The following NFYC variants were observed in gnomAD, a reference collection of about 807,000 sequenced individuals.
The protein encoded by NFYC is nuclear transcription factor Y subunit gamma, also known as CAAT box DNA-binding protein subunit C.
NFYC carries 25 observed loss-of-function variants against 53.1 expected under a neutral mutation model. The ratio of observed to expected loss-of-function variants is 0.47; its 90% CI spans 0.34 to 0.66. NFYC has a LOEUF of 0.66. Among genes scored for constraint, NFYC ranks in the 30% least tolerant of loss-of-function variants. NFYC has a pLI of 0.01. For missense variants in NFYC, 260 were observed against 422.7 expected (o/e 0.62, Z 3.38); for synonymous variants, 145 against 152.6 (o/e 0.95, Z 0.37).
intron 1 of NFYC, among the ~76,000 whole-genome samples, chr1:40,718,851 T>C (rs1266953521): frequency 6.6e-6 from 1 of 152,080 alleles, no homozygotes; most frequent in Non-Finnish European, 1.5e-5. Flanking sequence ...AGATGAATCA[T>C]GGTGGTTTTT....
intron 6 of NFYC, among the ~76,000 whole-genome samples, chr1:40,760,707 G>A (rs1345566843): frequency 6.7e-6 from 1 of 150,172 alleles, no homozygotes; most frequent in Admixed American, 6.6e-5. Context: ...GTGACAGAGC[G>A]AGACTGTCTC....
At chr1:40,766,309 A>G (rs147782773) in intron 7 of NFYC, 52 of 326,438 alleles carry the variant, frequency 1.6e-4, no homozygotes, top group African/African-American at 1.0e-3. Context: ...CTGGCAAATA[A>G]TGAGCATGCA....
intron 4 of NFYC, among the ~76,000 whole-genome samples, chr1:40,751,365 G>A (rs1226056344): frequency 6.6e-6 from 1 of 152,136 alleles, no homozygotes; most frequent in African/African-American, 2.4e-5. Context: ...GGGAGTGTGG[G>A]GAAGGATATT....
chr1:40,694,434 C>T (rs2148395947), intron 1 of NFYC, among the ~76,000 whole-genome samples: 1 of 152,308 alleles, frequency 6.6e-6, no homozygotes, highest in Non-Finnish European at 1.5e-5. Context: ...TGAAGCCCTC[C>T]CTCATTTTTG....
At chr1:40,737,397 T>C (rs889843221) in intron 1 of NFYC, among the ~76,000 whole-genome samples, 3 of 151,156 alleles carry the variant, frequency 2.0e-5, no homozygotes, top group South Asian at 2.1e-4. Context: ...GGCGTGATCT[T>C]GGCTCACTGC....
chr1:40,720,329 C>T (rs1309517054), intron 1 of NFYC, among the ~76,000 whole-genome samples: 1 of 152,106 alleles, frequency 6.6e-6, no homozygotes, highest in Non-Finnish European at 1.5e-5. Flanking sequence ...TGTCCCACCA[C>T]CCCCCTGGTT....
At chr1:40,734,335 G>A (rs559256295) in intron 1 of NFYC, among the ~76,000 whole-genome samples, 3 of 139,362 alleles carry the variant, frequency 2.2e-5, no homozygotes, top group South Asian at 2.4e-4. Flanking sequence ...GATTAACTAC[G>A]GTTGCTTTAT....
chr1:40,739,456 T>TG (rs1201215156), intron 2 of NFYC, among the ~76,000 whole-genome samples: 1 of 152,206 alleles, frequency 6.6e-6, no homozygotes, highest in Non-Finnish European at 1.5e-5. Context: ...AATTCTTTGT[T>TG]GTGAGGGGCC....
At chr1:40,744,089 G>A (rs942859310) in intron 2 of NFYC, among the ~76,000 whole-genome samples, 2 of 152,178 alleles carry the variant, frequency 1.3e-5, no homozygotes, top group South Asian at 2.1e-4. Flanking sequence ...CACAGCAGGA[G>A]GTGAGCAGCC....
chr1:40,699,505 C>T (rs937122690), intron 1 of NFYC, among the ~76,000 whole-genome samples: 1 of 152,016 alleles, frequency 6.6e-6, no homozygotes, highest in African/African-American at 2.4e-5. Context: ...ATTACTGTAC[C>T]CTGAAAGTAA....
At chr1:40,725,210 T>C (rs1644467426) in intron 1 of NFYC, among the ~76,000 whole-genome samples, 1 of 152,258 alleles carries the variant, frequency 6.6e-6, no homozygotes, top group African/African-American at 2.4e-5. Flanking sequence ...TAGAGACTAT[T>C]GAACCTTCTC....
chr1:40,753,121 A>G (rs1419289314), intron 4 of NFYC, 30 bp from the exon 5 acceptor site: 15 of 1,549,534 alleles, frequency 9.7e-6, no homozygotes, highest in Non-Finnish European at 1.3e-5. Context: ...TCCCCAGGCT[A>G]ATTTTTCACA....
chr1:40,707,909 C>G (rs1172729813), intron 1 of NFYC, among the ~76,000 whole-genome samples: 1 of 151,626 alleles, frequency 6.6e-6, no homozygotes, highest in Non-Finnish European at 1.5e-5. Flanking sequence ...ATGTCAAACT[C>G]TGTGACTGCC....
chr1:40,748,662 G>A (rs563298426), intron 3 of NFYC, among the ~76,000 whole-genome samples: 4 of 152,272 alleles, frequency 2.6e-5, no homozygotes, highest in African/African-American at 9.6e-5. Flanking sequence ...ATTCCTAGGA[G>A]TCCATCTCCA....
chr1:40,763,376 C>G, intron 7 of NFYC: 1 of 455,178 alleles, frequency 2.2e-6, no homozygotes, highest in Non-Finnish European at 4.4e-6. Flanking sequence ...ACAGGTCTTG[C>G]TGTGTCACTC....
chr1:40,738,639 T>C (rs1414391681), intron 1 of NFYC, among the ~76,000 whole-genome samples, 197 bp from the exon 2 acceptor site: 4 of 152,222 alleles, frequency 2.6e-5, no homozygotes, highest in Admixed American at 2.6e-4. Flanking sequence ...ATAAGCTAGA[T>C]AGAAGGAAAA....
intron 6 of NFYC, among the ~76,000 whole-genome samples, chr1:40,758,821 T>C (rs1646375159): frequency 6.6e-6 from 1 of 152,216 alleles, no homozygotes; most frequent in South Asian, 2.1e-4. Flanking sequence ...GTAGCATTCA[T>C]GTTTGTTGGG....
In NFYC at chr1:40,743,078, T is replaced by C. The variant is rs1172743753; in HGVS notation, c.105+4130T>C. Among the ~76,000 whole-genome samples, 5 of 152,380 alleles carry C rather than the reference T, an allele frequency of 3.3e-5. No individual in the cohort carries two copies. The East Asian group carries it at 9.6e-4, about 29-fold the overall frequency. ...AACTTACGAGAATATTCATAAAATG[T>C]GATCTCAGACTGGGACACAATTTGT... On this transcript the variant is annotated intron_variant, in intron 2 of 9. Transcript: ENST00000447388.
chr1:40,742,975 T>G (rs1037202766), intron 2 of NFYC, among the ~76,000 whole-genome samples: 4 of 152,176 alleles, frequency 2.6e-5, no homozygotes, highest in African/African-American at 9.7e-5. Flanking sequence ...TCAGAGCCTC[T>G]TAGGTTGACA....
Sources: allele counts gnomAD v4.1 joint callset (sites outside exome capture counted in the v4.1 genomes callset), GRCh38; gene constraint gnomAD v4.1.1; transcripts MANE v1.5; gene names NCBI Gene and HGNC (gene_info 2026-07-23, HGNC 2026-07-21).